Variants in PER2 observed in about 807,000 individuals in gnomAD.
PER2 encodes the protein period circadian regulator 2.
Under a neutral mutation model 121.0 loss-of-function variants are expected in PER2, and 66 were observed. The observed-to-expected ratio is 0.55, with a 90% confidence interval of 0.45 to 0.67. The LOEUF (loss-of-function observed/expected upper bound fraction) is 0.67, where lower values mean the gene tolerates loss of function less well. Among genes scored for constraint, PER2 ranks in the 30% least tolerant of loss-of-function variants. PER2 has a pLI of 0.00. For synonymous variants in PER2, 684 were observed against 659.9 expected (o/e 1.04, Z -0.56); for missense variants, 1,521 against 1,635.0 (o/e 0.93, Z 1.20).
intron 6 of PER2, 129 bp downstream of exon 6, chr2:238,271,183 C>T: frequency 1.3e-6 from 1 of 793,254 alleles, no homozygotes. Flanking sequence ...CCAGAGCAGG[C>T]AGCTGGCGGC....
At chr2:238,255,577 CATTTT>C in intron 18 of PER2, 75 bp downstream of exon 18, 1 of 1,411,504 alleles carries the variant, frequency 7.1e-7, no homozygotes, top group African/African-American at 1.4e-5. Context: ...ACACATTTCA[CATTTT>C]GAAACCAGCA....
chr2:238,267,047 C>G (rs955074125), intron 8 of PER2, among the ~76,000 whole-genome samples: 32 of 120,002 alleles, frequency 2.7e-4, no homozygotes, highest in Admixed American at 2.5e-3. Flanking sequence ...GACTCCATCT[C>G]TTAAAAAAAA....
intron 16 of PER2, among the ~76,000 whole-genome samples, chr2:238,258,071 G>C (rs1345368663): frequency 6.6e-6 from 1 of 152,234 alleles, no homozygotes; most frequent in African/African-American, 2.4e-5. Flanking sequence ...AGCCCCACTG[G>C]CTTCCTGTTC....
intron 1 of PER2, among the ~76,000 whole-genome samples, chr2:238,286,140 T>A (rs765274903): frequency 2.0e-5 from 3 of 152,064 alleles, no homozygotes; most frequent in Non-Finnish European, 4.4e-5. Context: ...TTAAAGCAAA[T>A]AAAGGCAAAA....
chr2:238,262,048 G>A (rs1695949814), intron 11 of PER2, 143 bp downstream of exon 11: 3 of 890,828 alleles, frequency 3.4e-6, no homozygotes, highest in Non-Finnish European at 5.5e-6. Context: ...CTAGCAGTCT[G>A]GGGCTCCAGA....
At chr2:238,288,891 A>G (rs1696879825), upstream of PER2, among the ~76,000 whole-genome samples, 1 of 151,746 alleles carries the variant, frequency 6.6e-6, no homozygotes, top group Admixed American at 6.6e-5. Context: ...GGGGCCTACG[A>G]ACGCCGCGCG....
chr2:238,296,049 T>C, the PER2 span, among the ~76,000 whole-genome samples: 24 of 142,538 alleles, frequency 1.7e-4, no homozygotes, highest in African/African-American at 6.0e-4. Context: ...GAGTCAGTCG[T>C]GTGCCCTCCT....
chr2:238,245,592 T>C lies in PER2; in HGVS notation c.*783A>G, dbSNP rs564372771. ...CACCATAAAGAGATGACTGATGACATATTTTAATCTCCATATTGGCCATCA... is the reference window on the plus strand; with the variant it reads ...CACCATAAAGAGATGACTGATGACACATTTTAATCTCCATATTGGCCATCA... On this transcript the variant is annotated 3_prime_UTR_variant, in exon 23 of 23. Coordinates refer to ENST00000254657, the MANE Select transcript of PER2 (RefSeq NM_022817.3). 18 of 398,614 alleles carry C rather than the reference T, an allele frequency of 4.5e-5. No homozygotes were observed. In the South Asian group the frequency reaches 1.8e-3, roughly 39 times the overall value. The allele number at this position is 398,614 out of a possible 1,614,324, so 24.7% of individuals were successfully genotyped here.
chr2:238,275,960 C>T (rs561551197), intron 3 of PER2, 63 bp from the exon 4 acceptor site: 9 of 1,567,770 alleles, frequency 5.7e-6, no homozygotes, highest in Admixed American at 1.7e-5. Context: ...CCTGAAGAAA[C>T]GTGCCTCTTG....
At chr2:238,249,369 A>C (rs1463203534) in intron 21 of PER2, among the ~76,000 whole-genome samples, 157 bp from the exon 22 acceptor site, 1 of 152,188 alleles carries the variant, frequency 6.6e-6, no homozygotes, top group African/African-American at 2.4e-5. Context: ...CTCCCTAGTA[A>C]AGAACCCGTA....
At chr2:238,276,456 C>T (rs1462630297) in intron 3 of PER2, among the ~76,000 whole-genome samples, 4 of 152,336 alleles carry the variant, frequency 2.6e-5, no homozygotes, top group African/African-American at 9.6e-5. Context: ...CTGGTCGACC[C>T]ATAGTCTGGT....
chr2:238,255,652 C>T lies in PER2; in HGVS notation c.2320+5G>A. 1.2e-6 allele frequency: 2 copies of T among 1,614,204 alleles called. No individual in the cohort carries two copies. Among genetic ancestry groups the T allele is most frequent in the Non-Finnish European group, 1.7e-6 (2 of 1,179,986 alleles). On this transcript the variant is annotated splice_donor_5th_base_variant and intron_variant, in intron 18 of 22. Coordinates refer to ENST00000254657, the MANE Select transcript of PER2 (RefSeq NM_022817.3). ...AAACGCACTTTTAATTCGGGTATCA[C>T]TTACTTCGTTCACTTGGCTGCCCCT...
chr2:238,296,996 G>A, the PER2 span, among the ~76,000 whole-genome samples: 8 of 152,196 alleles, frequency 5.3e-5, no homozygotes, highest in Admixed American at 1.3e-4. Context: ...GGGCACTGCC[G>A]GGCTGGAGCA....
At chr2:238,260,631 C>T (rs1255524902) in intron 13 of PER2, among the ~76,000 whole-genome samples, 197 bp downstream of exon 13, 1 of 152,186 alleles carries the variant, frequency 6.6e-6, no homozygotes, top group East Asian at 1.9e-4. Context: ...TTTCAACCAA[C>T]ACTTAGCTAT....
rs762981328 is a variant in PER2, at chr2:238,249,169, G to A, written c.3511C>T (p.Leu1171Phe). ...AACCTGGGCTGGAGTTTCTGTAGGA[G>A]CTTCAGCTTCTCTCTGTCCTCCTTC... ...VLKEDREKLK[L>F]LQKLQPRFTE... Residue 1171 changes from leucine (L) to phenylalanine (F), a missense_variant, in exon 22 of 23, where the codon CTC becomes TTC. Transcript: ENST00000254657. 5.0e-6 allele frequency: 8 copies of A among 1,613,758 alleles called. No individual in the cohort carries two copies. Among genetic ancestry groups the A allele is most frequent in the Non-Finnish European group, 6.8e-6 (8 of 1,179,758 alleles).
chr2:238,299,541 CA>C, the PER2 span: 9 of 147,940 alleles, frequency 6.1e-5, no homozygotes, highest in Non-Finnish European at 1.0e-4. Context: ...GACTCCGTCT[CA>C]AAAAAAAAGA....
chr2:238,255,334 G>C lies in PER2; in HGVS notation c.2320+323C>G, dbSNP rs147041299. ...GGTTGAATTCGCTGATTCTCTGGAGGTCCCGTCCAGGTGGGGCCCCTGCCC... is the reference window on the plus strand; with the variant it reads ...GGTTGAATTCGCTGATTCTCTGGAGCTCCCGTCCAGGTGGGGCCCCTGCCC... On this transcript the variant is annotated intron_variant, in intron 18 of 22. Coordinates refer to ENST00000254657, the MANE Select transcript of PER2 (RefSeq NM_022817.3). 5.6e-4 allele frequency: 247 copies of C among 440,580 alleles called. 1 individual carries two copies. Among genetic ancestry groups the C allele is most frequent in the African/African-American group, 4.4e-3 (223 of 50,144 alleles). The allele number at this position is 440,580 out of a possible 1,614,324, so 27.3% of individuals were successfully genotyped here.
At position 238,253,388 on chromosome 2, in the gene PER2, G is replaced by T; in HGVS notation, c.2635C>A (p.Pro879Thr). Residue 879 changes from proline (P) to threonine (T), a missense_variant, in exon 19 of 23, where the codon CCT (proline) becomes ACT (threonine). Coordinates refer to ENST00000254657, the MANE Select transcript of PER2 (RefSeq NM_022817.3). The surrounding 1 kb of genome is among the most constrained non-coding windows in gnomAD (Gnocchi z 5.6). The stretch of plus-strand genomic sequence containing the variant: ...TGCTGGAGGTCCACGGGCACAGCAG[G>T]CACTGTGAAGCTGGCGTGGGGAGGT... ...PAPPHASFTV[P>T]AVPVDLQHQF... 6.2e-7 allele frequency: 1 copy of T among 1,611,510 alleles called. No homozygotes were observed. The highest frequency in any genetic ancestry group is 2.2e-5 in the East Asian group (1 of 44,812).
chr2:238,251,765 T>C lies in PER2; in HGVS notation c.3112-4A>G. ...GTGTGTCTGAGGGTTCATCACGCTT[T>C]AGGGACAGGAAGCAGATACTGCTGT... On this transcript the variant is annotated splice_region_variant and splice_polypyrimidine_tract_variant and intron_variant, in intron 19 of 22. Coordinates refer to ENST00000254657, the MANE Select transcript of PER2 (RefSeq NM_022817.3). The C allele has an allele frequency of 6.3e-7, 1 of 1,591,916 alleles. No homozygotes were observed. The highest frequency in any genetic ancestry group is 8.5e-7 in the Non-Finnish European group (1 of 1,173,504).
Sources: allele counts gnomAD v4.1 joint callset (sites outside exome capture counted in the v4.1 genomes callset), GRCh38; gene constraint gnomAD v4.1.1; non-coding constraint Gnocchi (gnomAD v3.1); transcripts MANE v1.5; gene names NCBI Gene and HGNC (gene_info 2026-07-23, HGNC 2026-07-21).